DIAPH2: variants seen among roughly 807,000 people sequenced by gnomAD.
DIAPH2 encodes diaphanous related formin 2.
A neutral mutation model predicts 92.7 loss-of-function variants in DIAPH2; 35 were observed. The observed-to-expected ratio is 0.38, with a 90% CI of 0.29 to 0.50. DIAPH2 has a LOEUF of 0.50. Among genes scored for constraint, DIAPH2 ranks in the 20% least tolerant of loss-of-function variants. The pLI is 0.94. For synonymous variants in DIAPH2, 301 were observed against 280.4 expected (o/e 1.07, Z -0.73); for missense variants, 701 against 819.5 (o/e 0.86, Z 1.77).
intron 22 of DIAPH2, among the ~76,000 whole-genome samples, chrX:97,226,984 A>AT (rs2067970403): frequency 9.0e-6 from 1 of 111,324 alleles, no homozygotes; most frequent in Non-Finnish European, 1.9e-5. Context: ...GAAACTCACA[A>AT]AATTGGCCAG....
intron 17 of DIAPH2, among the ~76,000 whole-genome samples, chrX:97,011,122 G>A (rs1494129): frequency 0.39 from 43,905 of 111,213 alleles, 6,516 homozygotes; most frequent in South Asian, 0.52. Context: ...ATTTGCCTAC[G>A]TGTATATGTT....
chrX:97,291,955 A>C (rs1167562681), intron 23 of DIAPH2, among the ~76,000 whole-genome samples: 1 of 112,072 alleles, frequency 8.9e-6, no homozygotes, highest in Non-Finnish European at 1.9e-5. Context: ...CACTTGCCAA[A>C]AATTACATGA....
At chrX:97,041,486 TC>T (rs764578337) in intron 17 of DIAPH2, among the ~76,000 whole-genome samples, 23 of 111,405 alleles carry the variant, frequency 2.1e-4, no homozygotes, top group Non-Finnish European at 3.4e-4. Context: ...GATGAATATT[TC>T]TTTATATCTT....
At chrX:97,464,057 G>A (rs747711281) in intron 26 of DIAPH2, among the ~76,000 whole-genome samples, 1 of 110,344 alleles carries the variant, frequency 9.1e-6, no homozygotes, top group Non-Finnish European at 1.9e-5. Flanking sequence ...CTTGAGTGAA[G>A]GGGTATTTAT....
intron 17 of DIAPH2, among the ~76,000 whole-genome samples, chrX:97,049,369 T>C (rs1474770036): frequency 9.0e-6 from 1 of 111,048 alleles, no homozygotes; most frequent in Non-Finnish European, 1.9e-5. Context: ...GAAATTAAAA[T>C]GTCAAATAGA....
At chrX:97,052,914 T>A (rs1182899578) in intron 17 of DIAPH2, among the ~76,000 whole-genome samples, 4 of 110,958 alleles carry the variant, frequency 3.6e-5, no homozygotes, top group Non-Finnish European at 7.6e-5. Context: ...TTCTTTTTTT[T>A]AAAGACTCTT....
chrX:97,525,568 C>A (rs965206256), intron 26 of DIAPH2, among the ~76,000 whole-genome samples: 2 of 112,064 alleles, frequency 1.8e-5, no homozygotes, highest in Non-Finnish European at 1.9e-5. Context: ...CTTTGTAGAT[C>A]CGGCATTAAG....
chrX:97,301,043 C>T (rs768715750), intron 23 of DIAPH2, among the ~76,000 whole-genome samples: 10 of 98,935 alleles, frequency 1.0e-4, no homozygotes, highest in Admixed American at 4.6e-4. Flanking sequence ...GTGGCTCACG[C>T]CTGTAATCCC....
intron 26 of DIAPH2, among the ~76,000 whole-genome samples, chrX:97,454,227 T>C (rs1157148044): frequency 9.0e-6 from 1 of 111,125 alleles, no homozygotes; most frequent in African/African-American, 3.3e-5. Flanking sequence ...CATACCAGGA[T>C]TGAGAGGTAG....
chrX:96,999,414 T>C (rs957410343), intron 17 of DIAPH2, among the ~76,000 whole-genome samples: 1 of 99,531 alleles, frequency 1.0e-5, no homozygotes, highest in African/African-American at 3.8e-5. Flanking sequence ...GGCAGGAGAA[T>C]GGCGTGATCC....
chrX:97,530,315 A>G (rs978031673), intron 26 of DIAPH2, among the ~76,000 whole-genome samples: 2 of 112,027 alleles, frequency 1.8e-5, no homozygotes, highest in African/African-American at 6.5e-5. Flanking sequence ...TCCCACTCAT[A>G]GTATAAAAGA....
chrX:97,407,398 GA>G (rs1226226370), intron 25 of DIAPH2, among the ~76,000 whole-genome samples: 10 of 106,623 alleles, frequency 9.4e-5, no homozygotes, highest in South Asian at 4.0e-4. Flanking sequence ...CCACATAGAG[GA>G]AAAAAAAAAC....
At chrX:97,578,166 TTTTA>T (rs1260142728) in intron 26 of DIAPH2, among the ~76,000 whole-genome samples, 35 of 108,625 alleles carry the variant, frequency 3.2e-4, no homozygotes, top group Admixed American at 2.0e-3. Flanking sequence ...TTTTATTTAT[TTTTA>T]TTTATTTTTA....
At chrX:97,569,448 T>TATCC (rs1387003995) in intron 26 of DIAPH2, among the ~76,000 whole-genome samples, 1 of 112,005 alleles carries the variant, frequency 8.9e-6, no homozygotes, top group Non-Finnish European at 1.9e-5. Flanking sequence ...TAGCCATAGC[T>TATCC]ATCCATCCAT....
intron 24 of DIAPH2, among the ~76,000 whole-genome samples, chrX:97,354,707 A>C (rs1361750770): frequency 8.9e-6 from 1 of 112,716 alleles, no homozygotes; most frequent in Non-Finnish European, 1.9e-5. Flanking sequence ...ATGGTTTACA[A>C]AATCAAAAGA....
chrX:96,919,982 C>G (rs1016798952), intron 9 of DIAPH2, among the ~76,000 whole-genome samples: 1 of 109,407 alleles, frequency 9.1e-6, no homozygotes, highest in Non-Finnish European at 1.9e-5. Flanking sequence ...CCTCCCAAAG[C>G]AATTCTCCCT....
Position 96,937,255 on chromosome X carries a change from A to T in DIAPH2, c.1112A>T (p.Asp371Val), listed in dbSNP as rs764802803. Residue 371 changes from aspartate to valine, a missense_variant, in exon 11 of 27, where the codon GAT becomes GTT. Coordinates refer to ENST00000324765, the MANE Select transcript of DIAPH2 (RefSeq NM_006729.5). ...TAGGATCTAAAAGAAAAAGAGAATG[A>T]TGAGCTTGATATTCAGTTGAAAGTA... is the stretch of plus-strand genomic sequence containing the variant. ...MLPDLKEKEN[D>V]ELDIQLKVFD... 1 of 1,142,241 alleles carries T rather than the reference A, an allele frequency of 8.8e-7. No homozygotes were observed. Among genetic ancestry groups the T allele is most frequent in the Admixed American group, 2.3e-5 (1 of 43,907 alleles). The allele number at this position is 1,142,241 out of a possible 1,213,427, so 94.1% of individuals were successfully genotyped here.
At chrX:97,555,796 G>T (rs1453821682) in intron 26 of DIAPH2, among the ~76,000 whole-genome samples, 2 of 111,921 alleles carry the variant, frequency 1.8e-5, no homozygotes, top group Non-Finnish European at 3.8e-5. Context: ...TAATGAAATG[G>T]CTAAGAAGCA....
At chrX:97,318,198 G>A (rs2068855934) in intron 23 of DIAPH2, among the ~76,000 whole-genome samples, 1 of 111,217 alleles carries the variant, frequency 9.0e-6, no homozygotes, top group African/African-American at 3.3e-5. Context: ...GAGTGCAATG[G>A]CGCCATCTCG....
Sources: allele counts gnomAD v4.1 joint callset (sites outside exome capture counted in the v4.1 genomes callset), GRCh38; gene constraint gnomAD v4.1.1; transcripts MANE v1.5; gene names NCBI Gene and HGNC (gene_info 2026-07-23, HGNC 2026-07-21).